The following MTM1 variants were observed in gnomAD, a reference collection of about 807,000 sequenced individuals.
MTM1 encodes the protein myotubularin.
MTM1 carries 9 observed loss-of-function variants against 52.1 expected under a neutral mutation model. The observed-to-expected ratio is 0.17, with a 90% CI of 0.10 to 0.30. The LOEUF is 0.30. Among genes scored for constraint, MTM1 ranks in the 10% least tolerant of loss-of-function variants. The pLI is 1.00. For missense variants in MTM1, 277 were observed against 470.7 expected, an observed-to-expected ratio of 0.59 and a Z score of 3.81; for synonymous variants, 136 against 163.8, an observed-to-expected ratio of 0.83 and a Z score of 1.29.
chrX:150,622,955 A>G (rs2039507667), intron 6 of MTM1, among the ~76,000 whole-genome samples: 2 of 111,858 alleles, frequency 1.8e-5, no homozygotes, highest in African/African-American at 6.5e-5. Context: ...AGTGGTTCTT[A>G]AGTCATTTGA....
chrX:150,617,646 TTG>T (rs1206998753), intron 5 of MTM1, among the ~76,000 whole-genome samples: 1 of 112,276 alleles, frequency 8.9e-6, no homozygotes, highest in Non-Finnish European at 1.9e-5. Context: ...TTGCTGCTAT[TTG>T]TGTTTGAGAT....
At chrX:150,627,658 C>G (rs1218261078) in intron 6 of MTM1, among the ~76,000 whole-genome samples, 1 of 111,625 alleles carries the variant, frequency 9.0e-6, no homozygotes, top group Non-Finnish European at 1.9e-5. Flanking sequence ...GACTTTTCTA[C>G]CACAGGTGTG....
chrX:150,625,328 G>T (rs2039549561), intron 6 of MTM1, among the ~76,000 whole-genome samples: 1 of 111,940 alleles, frequency 8.9e-6, no homozygotes, highest in South Asian at 3.7e-4. Context: ...TGTTCTTAGT[G>T]TGCCGTTTTC....
chrX:150,621,351 C>T (rs1188025689), intron 6 of MTM1, among the ~76,000 whole-genome samples: 1 of 110,497 alleles, frequency 9.1e-6, no homozygotes, highest in Non-Finnish European at 1.9e-5. Context: ...CCAGCTATTT[C>T]CTCTCTTTTC....
chrX:150,629,263 G>A (rs1428456985), intron 6 of MTM1, among the ~76,000 whole-genome samples: 1 of 110,716 alleles, frequency 9.0e-6, no homozygotes, highest in African/African-American at 3.3e-5. Flanking sequence ...GTTCGCCAGT[G>A]GCCATATATT....
chrX:150,671,143 G>T (rs1476433388), intron 14 of MTM1, among the ~76,000 whole-genome samples: 5 of 111,430 alleles, frequency 4.5e-5, no homozygotes, highest in Non-Finnish European at 7.5e-5. Flanking sequence ...GGAGACTGGA[G>T]CTGTGTCTCG....
the MTM1 span, among the ~76,000 whole-genome samples, chrX:150,563,305 C>CTTT: frequency 2.0e-4 from 7 of 34,503 alleles, no homozygotes; most frequent in East Asian, 1.4e-3. Flanking sequence ...TAAATCTCAG[C>CTTT]TTTTTTTTTT....
chrX:150,645,534 G>A (rs935777735), intron 8 of MTM1, 149 bp from the exon 9 acceptor site: 199 of 512,550 alleles, frequency 3.9e-4, no homozygotes, highest in Middle Eastern at 5.6e-4. Flanking sequence ...GCACACACAC[G>A]CAGTGAGATT....
rs368917383 is a variant in MTM1 at position 150,646,732 on chromosome X, C to G, written c.867+861C>G. Among the ~76,000 whole-genome samples the G allele has an allele frequency of 3.5e-5, 4 of 112,805 alleles. No individual in the cohort carries two copies. The East Asian group carries it at 1.1e-3, about 31-fold the overall frequency. ...AGCTTAAATTTCATCATATTTAATA[C>G]ATTGCTTATCCTGAGGTTATTTGTC... On this transcript the variant is annotated intron_variant, in intron 9 of 14. Coordinates refer to ENST00000370396, the MANE Select transcript of MTM1 (RefSeq NM_000252.3).
At chrX:150,651,264 A>G (rs782358437) in intron 10 of MTM1, among the ~76,000 whole-genome samples, 2 of 111,604 alleles carry the variant, frequency 1.8e-5, no homozygotes, top group South Asian at 7.5e-4. Context: ...TACCCAACCG[A>G]GTTTTTCTTC....
At chrX:150,647,944 C>T (rs1167049195) in intron 9 of MTM1, among the ~76,000 whole-genome samples, 3 of 111,721 alleles carry the variant, frequency 2.7e-5, no homozygotes, top group Non-Finnish European at 3.8e-5. Flanking sequence ...TATATTTTTC[C>T]TTTTATTTTT....
chrX:150,569,663 C>G (rs915417266), intron 1 of MTM1, among the ~76,000 whole-genome samples: 3 of 111,657 alleles, frequency 2.7e-5, no homozygotes, highest in Non-Finnish European at 5.6e-5. Context: ...ATCTTGGTGT[C>G]TGTCTAGTCT....
rs782612313 is a variant in MTM1 at position 150,671,692 on chromosome X, A to G, written c.*97A>G. On this transcript the variant is annotated 3_prime_UTR_variant, in exon 15 of 15. Transcript: ENST00000370396. ...AAAGTAGATTAAAATATTTGCCTCC[A>G]TGTAGAACTTGAACTAACATAATCT... 1.0e-6 allele frequency: 1 copy of G among 955,836 alleles called. No individual in the cohort carries two copies. Among genetic ancestry groups the G allele is most frequent in the Non-Finnish European group, 1.5e-6 (1 of 681,696 alleles). The allele number at this position is 955,836 out of a possible 1,213,427, so 78.8% of individuals were successfully genotyped here.
In MTM1 at chrX:150,568,656, G is replaced by A. The variant is rs1188583119; in HGVS notation, c.-17G>A. 1 of 113,120 alleles carries A rather than the reference G, an allele frequency of 8.8e-6. No individual in the cohort carries two copies. The highest frequency in any genetic ancestry group is 9.2e-5 in the Admixed American group (1 of 10,878). 9.3% of individuals were successfully genotyped at this position (113,120 alleles called of 1,213,427 possible). The stretch of plus-strand genomic sequence containing the variant: ...CCTGGCAACGGCGGTGGCGCCCGGA[G>A]CCCGAGGTGGGTGCGCGCTCACGGC... On this transcript the variant is annotated 5_prime_UTR_variant, in exon 1 of 15. Transcript: ENST00000370396.
At chrX:150,583,792 T>C (rs369494662) in intron 1 of MTM1, among the ~76,000 whole-genome samples, 1 of 50,574 alleles carries the variant, frequency 2.0e-5, no homozygotes, top group Non-Finnish European at 3.3e-5. Context: ...AAAATATATA[T>C]AAAATATATA....
chrX:150,586,341 T>C (rs926321630), intron 1 of MTM1, among the ~76,000 whole-genome samples: 1 of 111,273 alleles, frequency 9.0e-6, no homozygotes, highest in Non-Finnish European at 1.9e-5. Flanking sequence ...TGTAGCCTAT[T>C]TTTAGATATC....
chrX:150,629,876 A>G (rs1208947228), intron 6 of MTM1, among the ~76,000 whole-genome samples: 1 of 110,880 alleles, frequency 9.0e-6, no homozygotes, highest in South Asian at 3.9e-4. Context: ...AGGCCTATAC[A>G]CTTAACTGAT....
intron 1 of MTM1, chrX:150,590,923 T>C (rs1421862699): frequency 7.5e-5 from 26 of 346,622 alleles, no homozygotes; most frequent in Non-Finnish European, 9.3e-5. Flanking sequence ...TAATATATAG[T>C]CTTGTTTTGT....
At chrX:150,600,130 A>T (rs1420827799) in intron 4 of MTM1, among the ~76,000 whole-genome samples, 1 of 111,018 alleles carries the variant, frequency 9.0e-6, no homozygotes, top group Non-Finnish European at 1.9e-5. Flanking sequence ...GGTCGCTAAC[A>T]TCTTGCTGTG....
Sources: allele counts gnomAD v4.1 joint callset (sites outside exome capture counted in the v4.1 genomes callset), GRCh38; gene constraint gnomAD v4.1.1; transcripts MANE v1.5; gene names NCBI Gene and HGNC (gene_info 2026-07-23, HGNC 2026-07-21).